Variants in DUSP22 observed in about 807,000 individuals in gnomAD.
DUSP22 encodes the protein dual specificity protein phosphatase 22.
A neutral mutation model predicts 24.5 loss-of-function variants in DUSP22; 24 were observed. That is an observed-to-expected ratio of 0.98 (90% CI 0.71 to 1.38). The LOEUF (loss-of-function observed/expected upper bound fraction) is 1.38. DUSP22 is among the 40% of genes most tolerant of loss of function. DUSP22 has a pLI of 0.00. For missense variants in DUSP22, 330 were observed against 269.2 expected (o/e 1.23, Z -1.58); for synonymous variants, 160 against 106.4 (o/e 1.50, Z -3.10).
intron 3 of DUSP22, among the ~76,000 whole-genome samples, chr6:316,582 T>C (rs966108507): frequency 6.6e-6 from 1 of 152,300 alleles, no homozygotes; most frequent in Non-Finnish European, 1.5e-5. Context: ...AGAAACCTGA[T>C]ATTGTTTGTA....
chr6:299,147 C>T (rs920529145), intron 1 of DUSP22, among the ~76,000 whole-genome samples: 179 of 152,352 alleles, frequency 1.2e-3, no homozygotes, highest in Non-Finnish European at 2.0e-3. Flanking sequence ...CCTTTACAGG[C>T]TTTTTTTTCC....
intron 3 of DUSP22, among the ~76,000 whole-genome samples, chr6:321,049 G>C (rs1479019895): frequency 6.6e-6 from 1 of 152,294 alleles, no homozygotes; most frequent in Non-Finnish European, 1.5e-5. Context: ...AACACTGCAG[G>C]GCAGACAAGA....
At chr6:341,260 C>A in intron 4 of DUSP22, among the ~76,000 whole-genome samples, 1 of 152,310 alleles carries the variant, frequency 6.6e-6, no homozygotes, top group South Asian at 2.1e-4. Flanking sequence ...TGTGCGTGGA[C>A]GTAAAGGTGA....
chr6:329,849 G>A (rs868426385), intron 3 of DUSP22, among the ~76,000 whole-genome samples: 4 of 152,408 alleles, frequency 2.6e-5, no homozygotes, highest in South Asian at 4.1e-4. Context: ...TCTCATCATA[G>A]TGTTACAAGC....
chr6:314,987 A>G (rs1030212155), intron 3 of DUSP22, among the ~76,000 whole-genome samples: 14 of 152,300 alleles, frequency 9.2e-5, no homozygotes, highest in African/African-American at 3.4e-4. Context: ...AGGTACTGTT[A>G]TCAGGCCTTC....
intron 4 of DUSP22, among the ~76,000 whole-genome samples, chr6:341,322 G>T (rs1367993420): frequency 1.3e-5 from 2 of 152,310 alleles, no homozygotes; most frequent in Non-Finnish European, 2.9e-5. Flanking sequence ...CATCGAAACA[G>T]CTTGCGGTAG....
intron 3 of DUSP22, among the ~76,000 whole-genome samples, chr6:328,808 G>A (rs1017584417): frequency 2.6e-5 from 4 of 152,308 alleles, no homozygotes; most frequent in African/African-American, 9.6e-5. Flanking sequence ...GACTTTTGCT[G>A]TGATGCAAAC....
At chr6:342,728 G>A (rs1300765387) in intron 4 of DUSP22, among the ~76,000 whole-genome samples, 1 of 152,308 alleles carries the variant, frequency 6.6e-6, no homozygotes, top group African/African-American at 2.4e-5. Context: ...CCAGCTCCAT[G>A]GCCGGAGGTC....
intron 3 of DUSP22, among the ~76,000 whole-genome samples, chr6:313,618 G>T (rs1273747556): frequency 3.3e-5 from 5 of 152,302 alleles, no homozygotes; most frequent in Non-Finnish European, 5.9e-5. Flanking sequence ...TCTTCACTGG[G>T]ACAGCTTTTA....
chr6:324,862 C>T (rs1758780696), intron 3 of DUSP22, among the ~76,000 whole-genome samples: 1 of 152,296 alleles, frequency 6.6e-6, no homozygotes, highest in African/African-American at 2.4e-5. Context: ...ATTCCATCAC[C>T]AGCGAGGGGC....
intron 6 of DUSP22, 88 bp downstream of exon 6, chr6:348,362 C>A (rs565460129): frequency 1.9e-6 from 3 of 1,575,002 alleles, no homozygotes; most frequent in Non-Finnish European, 2.6e-6. Context: ...AGCATCATGG[C>A]GTTTGGAGTT....
chr6:342,772 G>A (rs1309537580), intron 4 of DUSP22, among the ~76,000 whole-genome samples: 2 of 151,326 alleles, frequency 1.3e-5, no homozygotes, highest in African/African-American at 4.9e-5. Context: ...CTCTCTTCGG[G>A]AAGGGAAAGG....
intron 3 of DUSP22, among the ~76,000 whole-genome samples, chr6:331,122 G>A (rs1266737547): frequency 1.3e-5 from 2 of 152,292 alleles, no homozygotes; most frequent in Non-Finnish European, 2.9e-5. Flanking sequence ...AACTGAGCTT[G>A]TTTTTGTATT....
intron 3 of DUSP22, among the ~76,000 whole-genome samples, chr6:332,445 G>A (rs769180564): frequency 3.3e-5 from 5 of 152,304 alleles, no homozygotes; most frequent in Admixed American, 1.3e-4. Flanking sequence ...GTAGATTCTC[G>A]TGCCCACCTG....
chr6:297,325 T>C (rs942672899), intron 1 of DUSP22, among the ~76,000 whole-genome samples: 1 of 152,310 alleles, frequency 6.6e-6, no homozygotes, highest in Non-Finnish European at 1.5e-5. Flanking sequence ...AACACATTTT[T>C]CCAAACTGTG....
At chr6:346,169 G>A (rs866816217) in intron 5 of DUSP22, among the ~76,000 whole-genome samples, 1 of 152,308 alleles carries the variant, frequency 6.6e-6, no homozygotes. Context: ...TAGGATTTCT[G>A]TAGGGACCGT....
intron 4 of DUSP22, among the ~76,000 whole-genome samples, chr6:345,008 A>T (rs575885680): frequency 1.3e-5 from 2 of 152,418 alleles, no homozygotes; most frequent in East Asian, 3.8e-4. Flanking sequence ...AACTTCCCTC[A>T]ACCCCAGTCT....
chr6:321,982 G>A (rs1240034892), intron 3 of DUSP22, among the ~76,000 whole-genome samples: 1 of 152,304 alleles, frequency 6.6e-6, no homozygotes. Flanking sequence ...TCACTGGATA[G>A]AAATACAGGT....
chr6:317,089 A>G (rs999117605), intron 3 of DUSP22, among the ~76,000 whole-genome samples: 2 of 152,300 alleles, frequency 1.3e-5, no homozygotes, highest in African/African-American at 2.4e-5. Flanking sequence ...TGATGCCAAG[A>G]CTTTACTTGT....
Sources: gnomAD v4.1 joint callset for allele counts (sites outside exome capture counted in the v4.1 genomes callset) on GRCh38, gnomAD v4.1.1 for gene constraint, MANE v1.5 for transcripts, NCBI Gene and HGNC (gene_info 2026-07-23, HGNC 2026-07-21) for gene names.